LARS1: variants seen among roughly 807,000 people sequenced by gnomAD.
LARS1 encodes the protein leucyl-tRNA synthetase 1, also known as leucine--tRNA ligase, cytoplasmic.
LARS1 carries 100 observed loss-of-function variants against 162.8 expected under a neutral mutation model. The ratio of observed to expected loss-of-function variants is 0.61; its 90% CI spans 0.52 to 0.73. LARS1 has a LOEUF of 0.73. LARS1 is among the 30% of genes least tolerant of loss of function. LARS1 has a pLI of 0.00. For missense variants in LARS1, 1,258 were observed against 1,408.9 expected, an observed-to-expected ratio of 0.89 and a Z score of 1.71; for synonymous variants, 457 against 462.8, an observed-to-expected ratio of 0.99 and a Z score of 0.16.
In LARS1 at chr5:146,144,700, G is replaced by C; in HGVS notation, c.1513C>G (p.Leu505Val). 3.1e-6 allele frequency: 5 copies of C among 1,613,544 alleles called. No homozygotes were observed. The highest frequency in any genetic ancestry group is 4.2e-6 in the Non-Finnish European group (5 of 1,179,650). ...TGTTTCTCTGGTTCCATGTAAATAAGTGCATCTCCCTAAAGGAAGGTAAAT... is the reference window on the plus strand; with the variant it reads ...TGTTTCTCTGGTTCCATGTAAATAACTGCATCTCCCTAAAGGAAGGTAAAT... Reference protein sequence around the residue: ...QKKMIDAGDALIYMEPEKQVM... With the variant: ...QKKMIDAGDAVIYMEPEKQVM... Residue 505 changes from leucine (L) to valine (V), a missense_variant, in exon 16 of 32, where the codon CTT becomes GTT. Physicochemically the swap from Leu to Val is conservative, Grantham distance 32. Transcript: ENST00000394434.
chr5:146,123,935 T>C (rs557004747), intron 29 of LARS1, 47 bp downstream of exon 29: 30 of 934,094 alleles, frequency 3.2e-5, no homozygotes, highest in South Asian at 3.1e-4. Context: ...AGCTGGATTA[T>C]GGTTTAACTA....
In LARS1 at chr5:146,160,429, CAAAT is replaced by C; in HGVS notation, c.648_651del (p.Phe217SerfsTer6). ...CTTAATGTTAAAAATTGCCATCTGACAAATGAATCATAGTAAGGATTAACATCAG... is the reference window on the plus strand; with the variant it reads ...CTTAATGTTAAAAATTGCCATCTGACGAATCATAGTAAGGATTAACATCAG... On this transcript the variant is annotated frameshift_variant, in exon 7 of 32. Coordinates refer to ENST00000394434, the MANE Select transcript of LARS1 (RefSeq NM_020117.11). LOFTEE classifies it high-confidence loss of function. The C allele has an allele frequency of 1.3e-6, 2 of 1,584,786 alleles. No homozygotes were observed. The highest frequency in any genetic ancestry group is 1.7e-6 in the Non-Finnish European group (2 of 1,167,528).
chr5:146,140,466 G>C (rs1004617694), intron 20 of LARS1, among the ~76,000 whole-genome samples: 1 of 152,164 alleles, frequency 6.6e-6, no homozygotes, highest in Non-Finnish European at 1.5e-5. Flanking sequence ...ATACAATGAC[G>C]TAACTACTTA....
intron 21 of LARS1, chr5:146,137,750 GA>G: frequency 3.4e-6 from 1 of 295,310 alleles, no homozygotes; most frequent in Non-Finnish European, 6.8e-6. Flanking sequence ...CTTCTAAAAG[GA>G]AATATGGCTG....
chr5:146,126,567 A>G, intron 27 of LARS1, 22 bp from the exon 28 acceptor site: 5 of 1,532,098 alleles, frequency 3.3e-6, no homozygotes, highest in Non-Finnish European at 4.5e-6. Flanking sequence ...AAGGAGGGAG[A>G]GTAATGTAGA....
At chr5:146,151,098 C>T (rs991963889) in intron 14 of LARS1, among the ~76,000 whole-genome samples, 3 of 152,110 alleles carry the variant, frequency 2.0e-5, no homozygotes, top group Non-Finnish European at 2.9e-5. Flanking sequence ...ATTTCCTCAT[C>T]CGTAAATTGG....
At position 146,154,912 on chromosome 5, in the gene LARS1, G is replaced by C. The variant is rs1260759017; in HGVS notation, c.1066-932C>G. Among the ~76,000 whole-genome samples the C allele has an allele frequency of 3.3e-5, 5 of 152,108 alleles. No homozygotes were observed. In the South Asian group the frequency reaches 1.0e-3, roughly 32 times the overall value. ...CTTGTTACTCAAGCTGGAGTGCAAT[G>C]GCATGATCTCGGCTCACTGCAACCT... On this transcript the variant is annotated intron_variant, in intron 10 of 31. Transcript: ENST00000394434.
At chr5:146,173,941 T>G (rs1754390259) in intron 2 of LARS1, among the ~76,000 whole-genome samples, 2 of 152,110 alleles carry the variant, frequency 1.3e-5, no homozygotes. Context: ...CCTTCTTCAC[T>G]TGACATTATA....
chr5:146,142,152 C>G (rs1752809140), intron 20 of LARS1, among the ~76,000 whole-genome samples: 1 of 151,904 alleles, frequency 6.6e-6, no homozygotes, highest in Admixed American at 6.6e-5. Flanking sequence ...AAGAGCAAAC[C>G]TCTGTCTCAA....
intron 2 of LARS1, 28 bp from the exon 3 acceptor site, chr5:146,172,802 G>A (rs1304902113): frequency 1.6e-6 from 2 of 1,270,844 alleles, no homozygotes; most frequent in Admixed American, 2.3e-5. Flanking sequence ...AAAAAAGAAA[G>A]TACAGAAGAA....
At position 146,133,092 on chromosome 5, in the gene LARS1, A is replaced by G. The variant is rs752576349; in HGVS notation, c.2213-11T>C. 3.1e-6 allele frequency: 5 copies of G among 1,597,516 alleles called. No homozygotes were observed. In the Admixed American group the frequency reaches 6.9e-5, roughly 22 times the overall value. ...GAGCCAAACGCATTCCTGGAAGAAGAAAAAAAAATTCAATGCATTAAAAAT... is the reference window on the plus strand; with the variant it reads ...GAGCCAAACGCATTCCTGGAAGAAGGAAAAAAAATTCAATGCATTAAAAAT... On this transcript the variant is annotated splice_polypyrimidine_tract_variant and intron_variant, in intron 22 of 31. Transcript: ENST00000394434.
intron 27 of LARS1, 62 bp from the exon 28 acceptor site, chr5:146,126,607 G>T: frequency 9.1e-7 from 1 of 1,101,648 alleles, no homozygotes; most frequent in Non-Finnish European, 1.4e-6. Flanking sequence ...AGGCAGAACA[G>T]TAGATGTGAC....
At position 146,151,853 on chromosome 5, in the gene LARS1, ATTAC is replaced by A; in HGVS notation, c.1425+5_1425+8del. 1.2e-6 allele frequency: 2 copies of A among 1,606,506 alleles called. No homozygotes were observed. The highest frequency in any genetic ancestry group is 8.5e-7 in the Non-Finnish European group (1 of 1,176,700). On this transcript the variant is annotated splice_donor_5th_base_variant and intron_variant, in intron 14 of 31. Coordinates refer to ENST00000394434, the MANE Select transcript of LARS1 (RefSeq NM_020117.11). ...AAGCAAATAAAAACTAAAAAAAATT[ATTAC>A]TTACACCCTCATAAAATCCTTTTAG... is the stretch of plus-strand genomic sequence containing the variant.
chr5:146,123,926 G>T, intron 29 of LARS1, 56 bp downstream of exon 29: 1 of 835,906 alleles, frequency 1.2e-6, no homozygotes, highest in Non-Finnish European at 1.9e-6. Flanking sequence ...AAATAAAAGA[G>T]CTGGATTATG....
At chr5:146,140,130 A>C in intron 21 of LARS1, 74 bp downstream of exon 21, 2 of 1,186,366 alleles carry the variant, frequency 1.7e-6, no homozygotes, top group Non-Finnish European at 2.5e-6. Context: ...CATACATTTA[A>C]AAAAAAGTGC....
At chr5:146,179,753 C>G (rs1754752467) in intron 1 of LARS1, 1 of 343,078 alleles carries the variant, frequency 2.9e-6, no homozygotes, top group Non-Finnish European at 5.9e-6. Flanking sequence ...GCATATGCAC[C>G]ACCATACCCA....
At chr5:146,171,230 G>A (rs903767846) in intron 4 of LARS1, among the ~76,000 whole-genome samples, 2 of 151,930 alleles carry the variant, frequency 1.3e-5, no homozygotes, top group African/African-American at 4.8e-5. Context: ...GGTGGCGGGT[G>A]CCTGTAATCC....
At chr5:146,133,557 T>C (rs1332755483) in intron 22 of LARS1, among the ~76,000 whole-genome samples, 4 of 152,112 alleles carry the variant, frequency 2.6e-5, no homozygotes, top group African/African-American at 7.2e-5. Flanking sequence ...AGTTTATCAC[T>C]AATAAAACTT....
At chr5:146,122,636 T>A in intron 29 of LARS1, 49 bp from the exon 30 acceptor site, 3 of 962,276 alleles carry the variant, frequency 3.1e-6, no homozygotes, top group Non-Finnish European at 3.2e-6. Context: ...TTAATGTGAT[T>A]CAAATTAATC....
Sources: allele counts gnomAD v4.1 joint callset (sites outside exome capture counted in the v4.1 genomes callset), GRCh38; gene constraint gnomAD v4.1.1; transcripts MANE v1.5; gene names NCBI Gene and HGNC (gene_info 2026-07-23, HGNC 2026-07-21).